SLC28A3: variants seen among roughly 807,000 people sequenced by gnomAD.
SLC28A3 encodes the protein solute carrier family 28 member 3, also known as concentrative Na(+)-nucleoside cotransporter 3.
In SLC28A3, 68 loss-of-function variants were observed where a neutral mutation model predicts 84.2. The observed-to-expected ratio is 0.81, with a 90% CI of 0.66 to 0.99. The LOEUF is 0.99. Ranked by LOEUF, SLC28A3 falls within the 50% of genes least tolerant of loss-of-function variation. The pLI is 0.00. For synonymous variants in SLC28A3, 267 were observed against 303.6 expected (o/e 0.88, Z 1.25); for missense variants, 712 against 841.5 (o/e 0.85, Z 1.90).
At chr9:84,360,066 G>A in the SLC28A3 span, among the ~76,000 whole-genome samples, 1 of 151,824 alleles carries the variant, frequency 6.6e-6, no homozygotes, top group South Asian at 2.1e-4. Flanking sequence ...TGAGTGTGGA[G>A]GAGACTCTGA....
At chr9:84,311,185 T>C (rs1825976651) in intron 2 of SLC28A3, among the ~76,000 whole-genome samples, 1 of 152,176 alleles carries the variant, frequency 6.6e-6, no homozygotes, top group African/African-American at 2.4e-5. Flanking sequence ...CCAAGGCCCA[T>C]TGCTATCAAA....
At chr9:84,322,290 G>A (rs763313385) in intron 1 of SLC28A3, among the ~76,000 whole-genome samples, 1 of 152,210 alleles carries the variant, frequency 6.6e-6, no homozygotes, top group Non-Finnish European at 1.5e-5. Flanking sequence ...AAGAGACATT[G>A]GACATCATTA....
intron 7 of SLC28A3, 108 bp downstream of exon 7, chr9:84,297,798 T>C (rs1164593974): frequency 2.3e-6 from 2 of 877,952 alleles, no homozygotes; most frequent in Non-Finnish European, 3.6e-6. Flanking sequence ...GAATTAAAAT[T>C]TGAGACAACT....
At chr9:84,294,398 T>G in intron 8 of SLC28A3, 123 bp from the exon 9 acceptor site, 1 of 861,680 alleles carries the variant, frequency 1.2e-6, no homozygotes, top group Non-Finnish European at 1.8e-6. Context: ...GGGAAACTCC[T>G]CTTGAACTTT....
intron 1 of SLC28A3, among the ~76,000 whole-genome samples, chr9:84,332,171 C>G (rs1342105351): frequency 6.6e-6 from 1 of 152,172 alleles, no homozygotes; most frequent in Admixed American, 6.5e-5. Flanking sequence ...GCATAATACC[C>G]TGTTGTTCTC....
chr9:84,349,484 G>A, the SLC28A3 span, among the ~76,000 whole-genome samples: 3 of 152,200 alleles, frequency 2.0e-5, no homozygotes, highest in African/African-American at 2.4e-5. Context: ...TGATCTGTCC[G>A]CCTTGGCCTC....
intron 8 of SLC28A3, 98 bp downstream of exon 8, chr9:84,297,123 A>G: frequency 1.1e-6 from 1 of 894,676 alleles, no homozygotes; most frequent in South Asian, 1.6e-5. Flanking sequence ...CAGTAGGTAT[A>G]TACCTGGTTT....
rs530736263 is a variant in SLC28A3, at chr9:84,298,735, G to A, written c.670-716C>T. ...AAGGCAGAACATGATTTCTCTGTGC[G>A]TCCAAGGTTTGTTGATCTGACAACC... On this transcript the variant is annotated intron_variant, in intron 6 of 17. Coordinates refer to ENST00000376238, the MANE Select transcript of SLC28A3 (RefSeq NM_001199633.2). 5.3e-5 allele frequency among the ~76,000 whole-genome samples: 8 copies of A among 152,304 alleles called. No individual in the cohort carries two copies. The South Asian group carries it at 1.7e-3, about 32-fold the overall frequency.
At chr9:84,282,256 G>A (rs2118057604) in intron 14 of SLC28A3, among the ~76,000 whole-genome samples, 1 of 151,860 alleles carries the variant, frequency 6.6e-6, no homozygotes, top group East Asian at 1.9e-4. Context: ...GAGTGGGGTT[G>A]TTGACTACAA....
At chr9:84,357,526 T>C in the SLC28A3 span, among the ~76,000 whole-genome samples, 700 of 152,124 alleles carry the variant, frequency 4.6e-3, 10 homozygotes, top group East Asian at 0.044. Flanking sequence ...TAAATGGGCA[T>C]GGCTGATCAC....
intron 1 of SLC28A3, among the ~76,000 whole-genome samples, chr9:84,330,993 C>T (rs1338904251): frequency 6.6e-6 from 1 of 152,158 alleles, no homozygotes; most frequent in Non-Finnish European, 1.5e-5. Context: ...TGCCTCAACA[C>T]TGATGAGTAA....
intron 8 of SLC28A3, among the ~76,000 whole-genome samples, chr9:84,295,483 G>T (rs903445149): frequency 1.3e-5 from 2 of 152,144 alleles, no homozygotes. Context: ...TACTGGGGAG[G>T]CTGAGGCAGG....
chr9:84,338,071 C>T (rs1167583236), intron 1 of SLC28A3, among the ~76,000 whole-genome samples: 2 of 152,232 alleles, frequency 1.3e-5, no homozygotes, highest in Non-Finnish European at 2.9e-5. Context: ...CCAGGTCTTA[C>T]AGGCACAGGC....
intron 10 of SLC28A3, among the ~76,000 whole-genome samples, chr9:84,291,872 G>C (rs1221697875): frequency 1.3e-5 from 2 of 152,108 alleles, no homozygotes; most frequent in African/African-American, 4.8e-5. Context: ...GTGATGAGGG[G>C]CTTATTACAA....
At chr9:84,325,662 C>G (rs1440472392) in intron 1 of SLC28A3, among the ~76,000 whole-genome samples, 1 of 152,146 alleles carries the variant, frequency 6.6e-6, no homozygotes, top group Non-Finnish European at 1.5e-5. Flanking sequence ...AGTTTTGGCC[C>G]TCAGAGAAAA....
At chr9:84,340,455 C>T (rs1356130555) in intron 1 of SLC28A3, 119 bp downstream of exon 1, 5 of 1,048,418 alleles carry the variant, frequency 4.8e-6, no homozygotes, top group African/African-American at 1.6e-5. Context: ...TAAAGTGTGC[C>T]GTTAAAAATC....
chr9:84,356,573 C>T, the SLC28A3 span, among the ~76,000 whole-genome samples: 3,079 of 152,164 alleles, frequency 0.02, 71 homozygotes, highest in African/African-American at 0.055. Flanking sequence ...GGCTCACGCT[C>T]GTAATCCCAG....
At chr9:84,363,007 T>A in the SLC28A3 span, among the ~76,000 whole-genome samples, 1 of 152,324 alleles carries the variant, frequency 6.6e-6, no homozygotes, top group South Asian at 2.1e-4. Flanking sequence ...TATGAACATG[T>A]TCGTGAATGG....
rs965161435 is a variant in SLC28A3 at position 84,282,593 on chromosome 9, C to T, written c.1648-1711G>A. Among the ~76,000 whole-genome samples, 31 of 152,232 alleles carry T rather than the reference C, an allele frequency of 2.0e-4. No individual in the cohort carries two copies. The East Asian group carries it at 3.9e-3, about 19-fold the overall frequency. Reference sequence around the variant, plus strand: ...GCAGTCAGAGGATGGAAGATGAATTCGTGAAAGCAAGGGCGTGGCCCTGTG... The same window carrying T: ...GCAGTCAGAGGATGGAAGATGAATTTGTGAAAGCAAGGGCGTGGCCCTGTG... On this transcript the variant is annotated intron_variant, in intron 14 of 17. Transcript: ENST00000376238.
Sources: allele counts gnomAD v4.1 joint callset (sites outside exome capture counted in the v4.1 genomes callset), GRCh38; gene constraint gnomAD v4.1.1; transcripts MANE v1.5; gene names NCBI Gene and HGNC (gene_info 2026-07-23, HGNC 2026-07-21).